Variants in TMEM232 observed in about 807,000 individuals in gnomAD.
TMEM232 encodes transmembrane protein 232.
In TMEM232, 80 loss-of-function variants were observed where a neutral mutation model predicts 78.8. The ratio of observed to expected loss-of-function variants is 1.01; its 90% CI spans 0.85 to 1.22. TMEM232 has a LOEUF of 1.22. TMEM232 is among the 50% of genes most tolerant of loss of function. The probability of loss-of-function intolerance (pLI) is 0.00; values close to 1 mark genes in which losing one functional copy is unlikely to be tolerated. For missense variants in TMEM232, 881 were observed against 742.2 expected (o/e 1.19, Z -2.17); for synonymous variants, 297 against 254.3 (o/e 1.17, Z -1.60).
chr5:110,405,471 G>T (rs1165624689), intron 2 of TMEM232, among the ~76,000 whole-genome samples: 1 of 151,844 alleles, frequency 6.6e-6, no homozygotes, highest in Non-Finnish European at 1.5e-5. Flanking sequence ...CCGGGTATTA[G>T]ATTAGGCAGG....
At chr5:110,543,785 C>T (rs1382938112) in intron 11 of TMEM232, among the ~76,000 whole-genome samples, 1 of 152,124 alleles carries the variant, frequency 6.6e-6, no homozygotes, top group Non-Finnish European at 1.5e-5. Flanking sequence ...TACCTAACCT[C>T]TGCCATGCCA....
chr5:110,391,558 T>C (rs1348825769), intron 3 of TMEM232, among the ~76,000 whole-genome samples: 2 of 152,096 alleles, frequency 1.3e-5, no homozygotes, highest in Admixed American at 6.6e-5. Context: ...ACAGGAAATA[T>C]AGCATGCTGA....
intron 10 of TMEM232, among the ~76,000 whole-genome samples, chr5:110,579,738 A>G (rs1187307056): frequency 6.6e-6 from 1 of 151,782 alleles, no homozygotes; most frequent in Admixed American, 6.6e-5. Context: ...ACATACACAC[A>G]CACACAAAAG....
intron 11 of TMEM232, among the ~76,000 whole-genome samples, chr5:110,543,300 C>G (rs1384003327): frequency 2.0e-5 from 3 of 152,160 alleles, no homozygotes; most frequent in Admixed American, 2.0e-4. Context: ...CTCTATGATT[C>G]TCTTGTGGGG....
chr5:110,656,671 T>C (rs748802713), intron 2 of TMEM232, among the ~76,000 whole-genome samples: 2 of 151,970 alleles, frequency 1.3e-5, no homozygotes, highest in African/African-American at 2.4e-5. Flanking sequence ...ACCCCGTCTC[T>C]ACTAAAAATA....
intron 13 of TMEM232, among the ~76,000 whole-genome samples, chr5:110,421,121 A>G (rs1256644371): frequency 6.6e-6 from 1 of 152,100 alleles, no homozygotes; most frequent in Non-Finnish European, 1.5e-5. Context: ...AACAGAAAGA[A>G]AAAATACAGA....
intron 1 of TMEM232, among the ~76,000 whole-genome samples, chr5:110,719,841 T>C (rs936908272): frequency 2.6e-5 from 4 of 152,110 alleles, no homozygotes; most frequent in Non-Finnish European, 5.9e-5. Flanking sequence ...CTGTGTTACA[T>C]GCCAGCCCAT....
In TMEM232 at chr5:110,566,624, A is replaced by G. The variant is rs376688435; in HGVS notation, c.1455+1823T>C. 6.3e-4 allele frequency among the ~76,000 whole-genome samples: 96 copies of G among 152,004 alleles called. 1 individual carries two copies. The Middle Eastern group carries it at 0.014, about 22-fold the overall frequency. ...AAGTTCCTCATCTTCATCGGAGACC[A>G]CCTCAGTCTGGACTTCATTGTCCAC... is the stretch of plus-strand genomic sequence containing the variant. On this transcript the variant is annotated intron_variant, in intron 11 of 13. Coordinates refer to ENST00000455884, the MANE Select transcript of TMEM232 (RefSeq NM_001039763.4).
intron 1 of TMEM232, among the ~76,000 whole-genome samples, chr5:110,669,297 T>G (rs1187308426): frequency 6.6e-6 from 1 of 152,182 alleles, no homozygotes; most frequent in East Asian, 1.9e-4. Flanking sequence ...ATAAAGGGGA[T>G]ATCACCACCA....
intron 7 of TMEM232, among the ~76,000 whole-genome samples, chr5:110,620,545 C>T (rs1429353093): frequency 2.0e-5 from 3 of 148,188 alleles, no homozygotes; most frequent in African/African-American, 5.0e-5. Flanking sequence ...CTTATTAAGA[C>T]ATCCCATAGT....
intron 11 of TMEM232, among the ~76,000 whole-genome samples, chr5:110,562,174 A>G (rs922171956): frequency 6.6e-6 from 1 of 152,118 alleles, no homozygotes; most frequent in Non-Finnish European, 1.5e-5. Flanking sequence ...ATTAGAACCA[A>G]CAATTTTCCC....
chr5:110,473,890 CAAAAAAAA>C (rs61351197), intron 12 of TMEM232, among the ~76,000 whole-genome samples: 1 of 14,222 alleles, frequency 7.0e-5, no homozygotes, highest in Non-Finnish European at 1.4e-4. Flanking sequence ...AGCCAGACAC[CAAAAAAAA>C]AAAAAAAAAA....
In TMEM232 at chr5:110,399,367, C is replaced by T. The variant is rs533079146; in HGVS notation, n.309-1513G>A. On this transcript the variant is annotated intron_variant and non_coding_transcript_variant, in intron 2 of 8. Coordinates refer to the TMEM232 transcript ENST00000507188. The stretch of plus-strand genomic sequence containing the variant: ...CTCCTCCTATTTGTTAACTCTCCTC[C>T]GAAGTTTTTTGAAATCTGTGGTGAA... Among the ~76,000 whole-genome samples the T allele has an allele frequency of 7.9e-5, 12 of 152,150 alleles. No individual in the cohort carries two copies. The South Asian group carries it at 8.3e-4, about 11-fold the overall frequency.
At chr5:110,534,381 A>T (rs1328146719) in intron 11 of TMEM232, among the ~76,000 whole-genome samples, 1 of 152,216 alleles carries the variant, frequency 6.6e-6, no homozygotes, top group Non-Finnish European at 1.5e-5. Flanking sequence ...CACCAAGCTC[A>T]GCTACCAACT....
At chr5:110,665,783 A>G (rs936333845) in intron 2 of TMEM232, among the ~76,000 whole-genome samples, 1 of 150,676 alleles carries the variant, frequency 6.6e-6, no homozygotes, top group Admixed American at 6.7e-5. Context: ...AGCCAGGCAC[A>G]GTGGCTCATG....
intron 10 of TMEM232, among the ~76,000 whole-genome samples, chr5:110,584,154 A>T (rs1778528666): frequency 6.6e-6 from 1 of 151,996 alleles, no homozygotes. Flanking sequence ...CTGGATATTG[A>T]TCCAAAGGAA....
Position 110,515,011 on chromosome 5 carries a change from G to T in TMEM232, c.1703+13577C>A, listed in dbSNP as rs115444540. ...GCTCAAGGCTTAGGTATCAGATAAA[G>T]TTCATATGAGGGAGAAGAAAACAGC... On this transcript the variant is annotated intron_variant, in intron 12 of 13. Coordinates refer to ENST00000455884, the MANE Select transcript of TMEM232 (RefSeq NM_001039763.4). Among the ~76,000 whole-genome samples, 990 of 152,308 alleles carry T rather than the reference G, an allele frequency of 6.5e-3. 14 individuals are homozygous for T. The highest frequency in any genetic ancestry group is 0.023 in the African/African-American group (965 of 41,568).
intron 12 of TMEM232, among the ~76,000 whole-genome samples, chr5:110,435,076 C>A (rs1758274353): frequency 6.6e-6 from 1 of 151,728 alleles, no homozygotes; most frequent in Non-Finnish European, 1.5e-5. Context: ...TTAGCCAGAG[C>A]AATCAGGCAA....
chr5:110,472,579 A>T (rs1762800140), intron 12 of TMEM232, among the ~76,000 whole-genome samples: 2 of 151,886 alleles, frequency 1.3e-5, no homozygotes, highest in African/African-American at 4.8e-5. Flanking sequence ...ACCACAAAAG[A>T]CTCTGTAAAT....
Sources: allele counts gnomAD v4.1 joint callset (sites outside exome capture counted in the v4.1 genomes callset), GRCh38; gene constraint gnomAD v4.1.1; transcripts MANE v1.5; gene names NCBI Gene and HGNC (gene_info 2026-07-23, HGNC 2026-07-21).